The following IL1RAPL2 variants were observed in gnomAD, a reference collection of about 807,000 sequenced individuals.
The protein encoded by IL1RAPL2 is interleukin 1 receptor accessory protein like 2, also known as X-linked interleukin-1 receptor accessory protein-like 2.
A neutral mutation model predicts 44.1 loss-of-function variants in IL1RAPL2; 3 were observed. The observed-to-expected ratio is 0.07, with a 90% CI of 0.03 to 0.18. The LOEUF (loss-of-function observed/expected upper bound fraction) is 0.18. IL1RAPL2 is among the 10% of genes least tolerant of loss of function. The pLI is 1.00. For missense variants in IL1RAPL2, 391 were observed against 496.4 expected, an observed-to-expected ratio of 0.79 and a Z score of 2.02; for synonymous variants, 181 against 178.8, an observed-to-expected ratio of 1.01 and a Z score of -0.10.
chrX:105,658,489 A>G (rs760944718), intron 6 of IL1RAPL2, among the ~76,000 whole-genome samples: 3 of 111,553 alleles, frequency 2.7e-5, no homozygotes, highest in Non-Finnish European at 5.6e-5. Flanking sequence ...AAAATAAATA[A>G]CTCTTTAATA....
intron 5 of IL1RAPL2, among the ~76,000 whole-genome samples, chrX:105,376,314 GTTTGC>G (rs1436368160): frequency 8.9e-6 from 1 of 112,275 alleles, no homozygotes. Flanking sequence ...TGGTTTACAT[GTTTGC>G]TTTGAGAGAT....
At chrX:104,923,275 G>T (rs948154036) in intron 2 of IL1RAPL2, among the ~76,000 whole-genome samples, 1 of 111,973 alleles carries the variant, frequency 8.9e-6, no homozygotes. Flanking sequence ...TCTTCCTAGA[G>T]ATGCAAACAC....
At chrX:104,752,337 A>G in intron 2 of IL1RAPL2, among the ~76,000 whole-genome samples, 1 of 110,765 alleles carries the variant, frequency 9.0e-6, no homozygotes, top group Non-Finnish European at 1.9e-5. Context: ...TTGAAAAATT[A>G]TAAAATGTAT....
intron 6 of IL1RAPL2, among the ~76,000 whole-genome samples, chrX:105,530,044 A>G (rs1464093390): frequency 8.9e-6 from 1 of 112,171 alleles, no homozygotes; most frequent in Admixed American, 9.5e-5. Context: ...GCAAATATCT[A>G]TTCTAGTCCC....
intron 6 of IL1RAPL2, among the ~76,000 whole-genome samples, chrX:105,562,638 T>G (rs1180649703): frequency 9.1e-6 from 1 of 110,406 alleles, no homozygotes; most frequent in Non-Finnish European, 1.9e-5. Context: ...TTTAGGCACA[T>G]ACTTAAGAGA....
chrX:104,635,013 C>T (rs1929759670), intron 1 of IL1RAPL2, among the ~76,000 whole-genome samples: 1 of 111,409 alleles, frequency 9.0e-6, no homozygotes, highest in African/African-American at 3.3e-5. Flanking sequence ...GTGCTTTCTT[C>T]AGGAGCTCTT....
intron 5 of IL1RAPL2, among the ~76,000 whole-genome samples, chrX:105,398,146 T>C (rs1194200460): frequency 1.8e-5 from 2 of 110,981 alleles, no homozygotes; most frequent in Non-Finnish European, 3.8e-5. Context: ...ATATACAACC[T>C]TTTATTTTTT....
At chrX:104,740,514 T>C (rs1932084784) in intron 2 of IL1RAPL2, among the ~76,000 whole-genome samples, 1 of 111,241 alleles carries the variant, frequency 9.0e-6, no homozygotes, top group Non-Finnish European at 1.9e-5. Flanking sequence ...TGAGCTTTAA[T>C]GGAATTGGGA....
At chrX:104,802,954 A>T (rs1932895267) in intron 2 of IL1RAPL2, among the ~76,000 whole-genome samples, 3 of 111,582 alleles carry the variant, frequency 2.7e-5, no homozygotes, top group East Asian at 5.7e-4. Context: ...GGGGAAACTT[A>T]CAGTAGCAAG....
intron 6 of IL1RAPL2, among the ~76,000 whole-genome samples, chrX:105,544,961 A>C (rs2036779470): frequency 8.9e-6 from 1 of 111,796 alleles, no homozygotes; most frequent in South Asian, 3.7e-4. Flanking sequence ...TAATACTAAC[A>C]TAATTTCAGA....
At chrX:105,287,418 G>A (rs1419151471) in intron 5 of IL1RAPL2, among the ~76,000 whole-genome samples, 2 of 111,416 alleles carry the variant, frequency 1.8e-5, no homozygotes, top group Non-Finnish European at 3.8e-5. Flanking sequence ...TAGAGGGGTA[G>A]GTAAGGGACA....
chrX:105,103,067 A>G (rs746690723), intron 2 of IL1RAPL2, among the ~76,000 whole-genome samples: 1 of 111,844 alleles, frequency 8.9e-6, no homozygotes, highest in South Asian at 3.8e-4. Flanking sequence ...CATACAAATT[A>G]GATGTGTTTG....
chrX:105,681,167 T>C (rs1388053523), intron 6 of IL1RAPL2, among the ~76,000 whole-genome samples: 1 of 111,171 alleles, frequency 9.0e-6, no homozygotes, highest in African/African-American at 3.3e-5. Flanking sequence ...GTTTAATGGC[T>C]TGCTTTTGGG....
At position 105,405,035 on chromosome X, in the gene IL1RAPL2, T is replaced by G. The variant is rs749219140; in HGVS notation, c.698-79278T>G. 3.6e-4 allele frequency among the ~76,000 whole-genome samples: 40 copies of G among 111,424 alleles called. 1 individual carries two copies. Among genetic ancestry groups the G allele is most frequent in the Admixed American group, 2.3e-3 (24 of 10,492 alleles). On this transcript the variant is annotated intron_variant, in intron 5 of 10. Transcript: ENST00000372582. ...TCACATATGGTTATATACATATATA[T>G]AGAGAGAGAGACTTGTTTTTGATAA...
intron 2 of IL1RAPL2, among the ~76,000 whole-genome samples, chrX:105,172,608 T>C (rs1049759197): frequency 2.7e-5 from 3 of 111,690 alleles, no homozygotes; most frequent in African/African-American, 6.5e-5. Context: ...CAATTTTACA[T>C]AGAGTCCCTA....
intron 2 of IL1RAPL2, among the ~76,000 whole-genome samples, chrX:104,871,066 A>AAATTAAATAACGACTTATATAAGT (rs1404143310): frequency 1.8e-5 from 2 of 111,391 alleles, no homozygotes; most frequent in African/African-American, 6.5e-5. Context: ...AGAAAAAGTC[A>AAATTAAATAACGACTTATATAAGT]AATTAAATAA....
intron 10 of IL1RAPL2, among the ~76,000 whole-genome samples, chrX:105,756,183 C>T (rs1338208482): frequency 3.6e-5 from 4 of 112,119 alleles, no homozygotes; most frequent in African/African-American, 1.3e-4. Context: ...TTACTTTCAA[C>T]ATGTGATAAT....
intron 2 of IL1RAPL2, among the ~76,000 whole-genome samples, chrX:104,882,160 AGATAT>A (rs768362958): frequency 3.3e-4 from 37 of 112,172 alleles, no homozygotes; most frequent in Non-Finnish European, 6.6e-4. Context: ...AGAAATGTGC[AGATAT>A]GATATACAAA....
At chrX:105,438,348 A>G (rs1206273306) in intron 5 of IL1RAPL2, among the ~76,000 whole-genome samples, 2 of 111,605 alleles carry the variant, frequency 1.8e-5, no homozygotes, top group African/African-American at 6.5e-5. Context: ...CCTAACATAT[A>G]AGATCCCGAA....
Sources: allele counts gnomAD v4.1 joint callset (sites outside exome capture counted in the v4.1 genomes callset), GRCh38; gene constraint gnomAD v4.1.1; transcripts MANE v1.5; gene names NCBI Gene and HGNC (gene_info 2026-07-23, HGNC 2026-07-21).